SYNE2: variants seen among roughly 807,000 people sequenced by gnomAD.
SYNE2 encodes spectrin repeat containing nuclear envelope protein 2.
In SYNE2, 431 loss-of-function variants were observed where a neutral mutation model predicts 856.3. That is an observed-to-expected ratio of 0.50 (90% CI 0.47 to 0.55). The LOEUF is 0.55. Ranked by LOEUF, SYNE2 falls within the 20% of genes least tolerant of loss-of-function variation. The pLI is 0.00. For synonymous variants in SYNE2, 2,923 were observed against 2,872.3 expected (o/e 1.02, Z -0.56); for missense variants, 8,129 against 8,023.2 (o/e 1.01, Z -0.50).
chr14:63,930,120 T>C (rs1457458114), intron 2 of SYNE2, among the ~76,000 whole-genome samples: 1 of 151,936 alleles, frequency 6.6e-6, no homozygotes, highest in Non-Finnish European at 1.5e-5. Flanking sequence ...ACCCTGTCTC[T>C]ACAAAAAATG....
In SYNE2 at chr14:64,027,702, A is replaced by G; in HGVS notation, c.6623A>G (p.Tyr2208Cys). The G allele has an allele frequency of 6.2e-7, 1 of 1,614,080 alleles. No homozygotes were observed. Among genetic ancestry groups the G allele is most frequent in the Non-Finnish European group, 8.5e-7 (1 of 1,179,962 alleles). ...LLKELKSQGNYLLECTKNPSF... is the reference protein window; with the variant it reads ...LLKELKSQGNCLLECTKNPSF... ...AAGGAGTTAAAATCTCAGGGAAACTACCTCTTGGAGTGCACTAAAAATCCC... is the reference window on the plus strand; with the variant it reads ...AAGGAGTTAAAATCTCAGGGAAACTGCCTCTTGGAGTGCACTAAAAATCCC... The change falls in exon 43 of 116, where the codon TAC becomes TGC. Residue 2208 changes from tyrosine to cysteine, a missense_variant. Transcript: ENST00000555002.
chr14:64,124,927 T>C lies in SYNE2; in HGVS notation c.13423-152T>C. 4 of 908,120 alleles carry C rather than the reference T, an allele frequency of 4.4e-6. No individual in the cohort carries two copies. The South Asian group carries it at 5.2e-5, about 12-fold the overall frequency. 56.3% of individuals were successfully genotyped at this position (908,120 alleles called of 1,614,324 possible). ...CTGAGGTAGGAGAATCTCTTGAACA[T>C]GGGAGACAGAGGTTTCAGTGAGAGG... On this transcript the variant is annotated intron_variant, in intron 70 of 115. Coordinates refer to ENST00000555002, the MANE Select transcript of SYNE2 (RefSeq NM_182914.3).
intron 1 of SYNE2, among the ~76,000 whole-genome samples, chr14:63,792,558 A>G (rs1406875278): frequency 2.0e-5 from 3 of 152,226 alleles, no homozygotes; most frequent in Admixed American, 6.5e-5. Flanking sequence ...CTGTCTCCAA[A>G]GAAAAAAAGA....
rs1369062438 is a variant in SYNE2, at chr14:64,017,706, C to G, written c.4999C>G (p.Gln1667Glu). Residue 1667 changes from glutamine (Q) to glutamate (E), a missense_variant, in exon 34 of 116, where the codon CAA becomes GAA. Around this residue, in one of 3 missense-constraint regions of SYNE2, gnomAD observed 2,422 missense variants for 2,357.4 expected, o/e 1.03. Coordinates refer to ENST00000555002, the MANE Select transcript of SYNE2 (RefSeq NM_182914.3). ...TGATGAGTGGACAGAAAAGGCCCTT[C>G]AAAAAATGGAATTACATCAATTGAC... is the stretch of plus-strand genomic sequence containing the variant. The part of the protein sequence containing the change: ...VIDEWTEKAL[Q>E]KMELHQLTEE... The G allele has an allele frequency of 6.2e-7, 1 of 1,613,458 alleles. No homozygotes were observed. Among genetic ancestry groups the G allele is most frequent in the Non-Finnish European group, 8.5e-7 (1 of 1,179,786 alleles).
intron 93 of SYNE2, among the ~76,000 whole-genome samples, chr14:64,170,014 C>G (rs114254184): frequency 2.0e-5 from 3 of 152,292 alleles, no homozygotes; most frequent in African/African-American, 7.2e-5. Flanking sequence ...TACCAGGTTA[C>G]GTGCAGATAC....
At chr14:63,887,899 T>C (rs2095035120) in intron 1 of SYNE2, among the ~76,000 whole-genome samples, 1 of 151,846 alleles carries the variant, frequency 6.6e-6, no homozygotes, top group African/African-American at 2.4e-5. Context: ...ATTACAGGAA[T>C]GTGCCACCAT....
chr14:64,067,026 G>T (rs897791595), intron 51 of SYNE2, among the ~76,000 whole-genome samples: 1 of 152,172 alleles, frequency 6.6e-6, no homozygotes, highest in Non-Finnish European at 1.5e-5. Context: ...TCAAATTCAG[G>T]TCTGGGCTAA....
At chr14:63,796,417 G>A (rs575113250) in intron 1 of SYNE2, among the ~76,000 whole-genome samples, 60 of 151,878 alleles carry the variant, frequency 4.0e-4, no homozygotes, top group African/African-American at 1.4e-3. Context: ...AGATCTCGCC[G>A]CTGCACTCCA....
At chr14:63,780,776 C>CA (rs1460632111) in intron 1 of SYNE2, among the ~76,000 whole-genome samples, 2 of 151,810 alleles carry the variant, frequency 1.3e-5, no homozygotes, top group African/African-American at 4.8e-5. Context: ...ACCAAAGAAT[C>CA]AAAAAAAGAA....
chr14:64,112,755 T>C (rs371276421), intron 65 of SYNE2, among the ~76,000 whole-genome samples: 4 of 152,252 alleles, frequency 2.6e-5, no homozygotes, highest in African/African-American at 7.2e-5. Context: ...TGAAGTTCAT[T>C]ACTTGACTCA....
chr14:64,129,929 A>G (rs753411726), intron 75 of SYNE2, 28 bp downstream of exon 75: 1 of 1,614,114 alleles, frequency 6.2e-7, no homozygotes, highest in Non-Finnish European at 8.5e-7. Context: ...ACATTGACTC[A>G]GCACTGTGAT....
At position 63,887,239 on chromosome 14, in the gene SYNE2, C is replaced by T. The variant is rs2095012637; in HGVS notation, c.-51-21859C>T. ...GAGGTTGCAGTGAGCCGAGATCGCA[C>T]CACTGCATTCCAGCTGGGCAACAGA... On this transcript the variant is annotated intron_variant, in intron 1 of 115. Coordinates refer to ENST00000555002, the MANE Select transcript of SYNE2 (RefSeq NM_182914.3). Among the ~76,000 whole-genome samples the T allele has an allele frequency of 2.0e-5, 3 of 152,048 alleles. No individual in the cohort carries two copies. The South Asian group carries it at 6.2e-4, about 32-fold the overall frequency.
intron 2 of SYNE2, among the ~76,000 whole-genome samples, chr14:63,938,586 G>A (rs1015869359): frequency 3.3e-5 from 5 of 152,146 alleles, no homozygotes; most frequent in Admixed American, 6.5e-5. Flanking sequence ...GGATTTCAGG[G>A]ACAAAGAGGG....
chr14:63,918,982 A>G (rs1255158563), intron 2 of SYNE2, among the ~76,000 whole-genome samples: 1 of 152,206 alleles, frequency 6.6e-6, no homozygotes, highest in Non-Finnish European at 1.5e-5. Flanking sequence ...TTTGTCGGCA[A>G]ACTTCCAGGG....
intron 63 of SYNE2, among the ~76,000 whole-genome samples, chr14:64,101,550 C>T (rs1288333817): frequency 2.0e-5 from 3 of 152,166 alleles, no homozygotes; most frequent in African/African-American, 4.8e-5. Flanking sequence ...TCAAGTGATC[C>T]TCCCACTTCA....
At chr14:64,026,489 T>A in intron 41 of SYNE2, 90 bp from the exon 42 acceptor site, 1 of 1,015,648 alleles carries the variant, frequency 9.8e-7, no homozygotes, top group Admixed American at 2.0e-5. Flanking sequence ...ACAGATAGAA[T>A]CTCTATATAA....
Position 64,218,460 on chromosome 14 carries a change from C to T in SYNE2, c.19605C>T (p.Gly6535=), listed in dbSNP as rs1311945604. The change falls in exon 109 of 116, where the codon GGC becomes GGT. Residue 6535 remains glycine, a synonymous_variant. Coordinates refer to ENST00000555002, the MANE Select transcript of SYNE2 (RefSeq NM_182914.3). ...AAGAAGGCCCGCGAGTCCTGAATGGCAACCCACAGCAGGAAGACGGGGGAC... is the reference window on the plus strand; with the variant it reads ...AAGAAGGCCCGCGAGTCCTGAATGGTAACCCACAGCAGGAAGACGGGGGAC... The part of the protein sequence containing the change: ...GGKEGPRVLN[G]NPQQEDGGLA... 1 of 1,614,086 alleles carries T rather than the reference C, an allele frequency of 6.2e-7. No homozygotes were observed. Among genetic ancestry groups the T allele is most frequent in the Non-Finnish European group, 8.5e-7 (1 of 1,180,010 alleles).
intron 1 of SYNE2, among the ~76,000 whole-genome samples, chr14:63,869,107 G>T (rs761180675): frequency 4.6e-5 from 7 of 152,170 alleles, no homozygotes; most frequent in Non-Finnish European, 1.0e-4. Context: ...CAGGTAACAA[G>T]GAGAACCACA....
intron 49 of SYNE2, among the ~76,000 whole-genome samples, chr14:64,060,615 G>T (rs977183413): frequency 6.6e-6 from 1 of 152,134 alleles, no homozygotes; most frequent in African/African-American, 2.4e-5. Flanking sequence ...GGTTGGAGGA[G>T]GGGTAATTCC....
Sources: allele counts gnomAD v4.1 joint callset (sites outside exome capture counted in the v4.1 genomes callset), GRCh38; gene constraint gnomAD v4.1.1; regional missense constraint gnomAD v4.1.1; transcripts MANE v1.5; gene names NCBI Gene and HGNC (gene_info 2026-07-23, HGNC 2026-07-21).